PCDHGB3: variants seen among roughly 807,000 people sequenced by gnomAD.
PCDHGB3 encodes the protein protocadherin gamma-B3.
PCDHGB3 carries 40 observed loss-of-function variants against 59.2 expected under a neutral mutation model. The observed-to-expected ratio is 0.68, with a 90% CI of 0.52 to 0.88. The LOEUF is 0.88. PCDHGB3 is among the 40% of genes least tolerant of loss of function. PCDHGB3 has a pLI of 0.00. For synonymous variants in PCDHGB3, 581 were observed against 503.6 expected (o/e 1.15, Z -2.06); for missense variants, 1,309 against 1,187.9 (o/e 1.10, Z -1.50).
chr5:141,464,184 G>T (rs1348739162), intron 1 of PCDHGB3, among the ~76,000 whole-genome samples: 1 of 150,316 alleles, frequency 6.7e-6, no homozygotes, highest in Non-Finnish European at 1.5e-5. Flanking sequence ...AGAATTGCTT[G>T]ATTTCAGGAG....
At chr5:141,427,192 A>T (rs1191677237) in intron 1 of PCDHGB3, 1 of 456,566 alleles carries the variant, frequency 2.2e-6, no homozygotes. Context: ...AAATCCAAAG[A>T]CTTAATAGAC....
chr5:141,430,904 T>C (rs2097322701), intron 1 of PCDHGB3: 5 of 1,606,730 alleles, frequency 3.1e-6, no homozygotes, highest in Middle Eastern at 1.7e-4. Context: ...GGGCGACATC[T>C]CCAGGGACCT....
intron 1 of PCDHGB3, among the ~76,000 whole-genome samples, chr5:141,452,648 GCTCCATCCACTGCA>G (rs2098746292): frequency 6.6e-6 from 1 of 151,930 alleles, no homozygotes; most frequent in African/African-American, 2.4e-5. Flanking sequence ...TTACTCATTT[GCTCCATCCACTGCA>G]CTCCAGCCTA....
At chr5:141,465,775 T>TA (rs2099108994) in intron 1 of PCDHGB3, among the ~76,000 whole-genome samples, 1 of 152,030 alleles carries the variant, frequency 6.6e-6, no homozygotes, top group African/African-American at 2.4e-5. Context: ...CATCTCTTGT[T>TA]ACAGTTTTTT....
intron 1 of PCDHGB3, chr5:141,427,833 G>T (rs1345567011): frequency 6.5e-7 from 1 of 1,540,964 alleles, no homozygotes; most frequent in Non-Finnish European, 8.9e-7. Flanking sequence ...CGCGCAGCGT[G>T]CCTTCGACCA....
rs375166529 is a variant in PCDHGB3, at chr5:141,399,734, C to G, written c.2415+26925C>G. The G allele has an allele frequency of 3.7e-6, 6 of 1,613,220 alleles. No homozygotes were observed. The African/African-American group carries it at 4.0e-5, about 11-fold the overall frequency. ...CTACAGGCCCGCGACCAGGGCTCGC[C>G]TGCGCTCAGCGCAAACGTGAGCCTG... On this transcript the variant is annotated intron_variant, in intron 1 of 3. Transcript: ENST00000576222.
intron 1 of PCDHGB3, chr5:141,373,858 G>A: frequency 2.2e-6 from 1 of 460,298 alleles, no homozygotes. Context: ...CGTCGCTGTT[G>A]ACCAACCTGG....
chr5:141,408,185 C>G, intron 1 of PCDHGB3: 1 of 1,540,440 alleles, frequency 6.5e-7, no homozygotes, highest in Non-Finnish European at 8.8e-7. Context: ...GGGGACCCAG[C>G]GAGAACCCGA....
intron 1 of PCDHGB3, chr5:141,384,514 G>A: frequency 1.2e-6 from 2 of 1,614,194 alleles, no homozygotes; most frequent in Non-Finnish European, 1.7e-6. Flanking sequence ...TGACAGCGGG[G>A]ACCCGCCTCT....
chr5:141,420,905 T>TA (rs545324172), intron 1 of PCDHGB3: 3 of 299,970 alleles, frequency 1.0e-5, no homozygotes, highest in Non-Finnish European at 1.9e-5. Flanking sequence ...GCTCTACAAA[T>TA]ACGTGTGATT....
chr5:141,508,714 G>A (rs775462794), intron 3 of PCDHGB3, among the ~76,000 whole-genome samples: 16 of 151,880 alleles, frequency 1.1e-4, no homozygotes, highest in Admixed American at 2.0e-4. Context: ...ATTCTTTTCT[G>A]TGTGCAGGGA....
chr5:141,489,380 A>T lies in PCDHGB3; in HGVS notation c.2416-5427A>T, dbSNP rs753226956. 1 of 1,613,874 alleles carries T rather than the reference A, an allele frequency of 6.2e-7. No homozygotes were observed. The highest frequency in any genetic ancestry group is 2.2e-5 in the East Asian group (1 of 44,872). On this transcript the variant is annotated intron_variant, in intron 1 of 3. Transcript: ENST00000576222. The surrounding 1 kb of genome is among the most constrained non-coding windows in gnomAD (Gnocchi z 4.5). ...TCTGAGCCGGGGACGCTGGTGGGGA[A>T]TGTTGCTCAGGATCTGGGCTTAAAG... is the stretch of plus-strand genomic sequence containing the variant.
chr5:141,458,698 T>C (rs1258294275), intron 1 of PCDHGB3, among the ~76,000 whole-genome samples: 1 of 152,054 alleles, frequency 6.6e-6, no homozygotes, highest in East Asian at 1.9e-4. Context: ...GCCTCCCGAG[T>C]AGCTGGGATT....
In PCDHGB3 at chr5:141,490,861, T is replaced by C. The variant is rs1465042036; in HGVS notation, c.2416-3946T>C. The C allele has an allele frequency of 1.2e-6, 2 of 1,613,816 alleles. No individual in the cohort carries two copies. Among genetic ancestry groups the C allele is most frequent in the Non-Finnish European group, 1.7e-6 (2 of 1,179,920 alleles). On this transcript the variant is annotated intron_variant, in intron 1 of 3. Coordinates refer to ENST00000576222, the MANE Select transcript of PCDHGB3 (RefSeq NM_018924.5). The surrounding 1 kb of genome is among the most constrained non-coding windows in gnomAD (Gnocchi z 5.4). Reference sequence around the variant, plus strand: ...TGTGGTGGGGGTTCGAGACTCCGGCTCTCCCCCATTGCATGCCAACACATC... The same window carrying C: ...TGTGGTGGGGGTTCGAGACTCCGGCCCTCCCCCATTGCATGCCAACACATC...
chr5:141,423,895 G>T, intron 1 of PCDHGB3: 1 of 1,277,758 alleles, frequency 7.8e-7, no homozygotes, highest in Non-Finnish European at 9.9e-7. Flanking sequence ...ATTTTCTTTT[G>T]ATTTCAAAGG....
intron 1 of PCDHGB3, among the ~76,000 whole-genome samples, chr5:141,488,115 G>A (rs936010936): frequency 1.4e-4 from 21 of 152,298 alleles, no homozygotes; most frequent in Middle Eastern, 3.4e-3. Flanking sequence ...TTGAAACATA[G>A]AGACAGCAGA....
chr5:141,422,908 C>G, intron 1 of PCDHGB3: 1 of 1,614,244 alleles, frequency 6.2e-7, no homozygotes, highest in Non-Finnish European at 8.5e-7. Flanking sequence ...CGACAATGCG[C>G]CCGAGATCCT....
chr5:141,484,988 G>A (rs1187402042), intron 1 of PCDHGB3: 2 of 604,830 alleles, frequency 3.3e-6, no homozygotes, highest in Admixed American at 3.0e-5. Context: ...CAATCGGGTG[G>A]TGAAAGGCAG....
In PCDHGB3 at chr5:141,372,625, G is replaced by A. The variant is rs1768925620; in HGVS notation, c.2231G>A (p.Ser744Asn). ...GTACCTGGAGTTCTCCCCACCTACA[G>A]CGAAAGGACTTTGCCTTATTCCTAC... ...KTVPGVLPTY[S>N]ERTLPYSYNP... The change falls in exon 1 of 4, where the codon AGC becomes AAC. Residue 744 changes from serine to asparagine, a missense_variant. Coordinates refer to ENST00000576222, the MANE Select transcript of PCDHGB3 (RefSeq NM_018924.5). The A allele has an allele frequency of 5.0e-6, 8 of 1,614,000 alleles. No individual in the cohort carries two copies. Among genetic ancestry groups the A allele is most frequent in the Non-Finnish European group, 6.8e-6 (8 of 1,179,884 alleles).
Sources: gnomAD v4.1 joint callset for allele counts (sites outside exome capture counted in the v4.1 genomes callset) on GRCh38, gnomAD v4.1.1 for gene constraint, Gnocchi (gnomAD v3.1) non-coding constraint, MANE v1.5 for transcripts, NCBI Gene and HGNC (gene_info 2026-07-23, HGNC 2026-07-21) for gene names.